The following DTNB variants were observed in gnomAD, a reference collection of about 807,000 sequenced individuals.
The protein encoded by DTNB is dystrobrevin beta.
Under a neutral mutation model 90.7 loss-of-function variants are expected in DTNB, and 63 were observed. The observed-to-expected ratio is 0.69, with a 90% CI of 0.57 to 0.86. The LOEUF is 0.86. DTNB is among the 40% of genes least tolerant of loss of function. DTNB has a pLI of 0.00. For missense variants in DTNB, 744 were observed against 807.1 expected, an observed-to-expected ratio of 0.92 and a Z score of 0.95; for synonymous variants, 277 against 286.7, an observed-to-expected ratio of 0.97 and a Z score of 0.34.
At chr2:25,643,950 C>T (rs962654141) in intron 2 of DTNB, among the ~76,000 whole-genome samples, 30 of 152,280 alleles carry the variant, frequency 2.0e-4, no homozygotes, top group African/African-American at 7.2e-4. Context: ...CTAAAACCCA[C>T]CAAAACCAAG....
At chr2:25,453,275 T>C (rs1283296129) in intron 11 of DTNB, among the ~76,000 whole-genome samples, 1 of 152,238 alleles carries the variant, frequency 6.6e-6, no homozygotes, top group Non-Finnish European at 1.5e-5. Flanking sequence ...CTGCTTTAAT[T>C]GGCTATGTTT....
chr2:25,505,722 A>C lies in DTNB; in HGVS notation c.1002-22849T>G, dbSNP rs1353198052. On this transcript the variant is annotated intron_variant, in intron 9 of 20. Transcript: ENST00000406818. ...CCTCCTACAACTACTGATAAAATTT[A>C]AAAGCACAAAAATTTAGAAATACAG... 2.0e-5 allele frequency among the ~76,000 whole-genome samples: 3 copies of C among 152,150 alleles called. No homozygotes were observed. In the East Asian group the frequency reaches 5.8e-4, roughly 29 times the overall value.
At chr2:25,585,790 A>T (rs377474003) in intron 6 of DTNB, among the ~76,000 whole-genome samples, 175 of 152,320 alleles carry the variant, frequency 1.1e-3, no homozygotes, top group African/African-American at 4.0e-3. Flanking sequence ...ATTTTTATGC[A>T]AACTTCTGAG....
At chr2:25,482,760 G>A (rs749762246) in intron 10 of DTNB, 36 bp downstream of exon 10, 2 of 1,607,042 alleles carry the variant, frequency 1.2e-6, no homozygotes, top group South Asian at 2.2e-5. Context: ...AGTAGCAGAG[G>A]CCAACACCCA....
intron 16 of DTNB, among the ~76,000 whole-genome samples, chr2:25,410,114 T>C (rs923082328): frequency 6.6e-6 from 1 of 152,218 alleles, no homozygotes; most frequent in African/African-American, 2.4e-5. Flanking sequence ...GTCTGTAGTA[T>C]TCTGGGGGAG....
chr2:25,554,361 C>T (rs1006300935), intron 8 of DTNB, among the ~76,000 whole-genome samples: 1 of 151,838 alleles, frequency 6.6e-6, no homozygotes, highest in African/African-American at 2.4e-5. Flanking sequence ...TTTTAACCAG[C>T]AGTTCATAGT....
intron 3 of DTNB, among the ~76,000 whole-genome samples, chr2:25,634,095 T>G (rs1225818969): frequency 6.9e-6 from 1 of 144,628 alleles, no homozygotes; most frequent in East Asian, 2.2e-4. Flanking sequence ...AGCCGCCCCG[T>G]CCGGGAGGGA....
chr2:25,426,448 T>C (rs1014226982), intron 15 of DTNB: 1 of 152,268 alleles, frequency 6.6e-6, no homozygotes, highest in Non-Finnish European at 1.5e-5. Flanking sequence ...CTGATGATCA[T>C]TTGGATTAGT....
chr2:25,627,719 T>C lies in DTNB; in HGVS notation c.362+452A>G, dbSNP rs576671479. ...CTGTGAACCAGTTTCTAGAGGGGCT[T>C]ACACCGAATAATTTTCCTTTTTTTT... On this transcript the variant is annotated intron_variant, in intron 4 of 20. Coordinates refer to ENST00000406818, the MANE Select transcript of DTNB (RefSeq NM_021907.5). 1.1e-4 allele frequency among the ~76,000 whole-genome samples: 16 copies of C among 151,674 alleles called. 1 individual carries two copies. In the East Asian group the frequency reaches 3.1e-3, roughly 29 times the overall value.
At chr2:25,501,067 C>T (rs1054075437) in intron 9 of DTNB, among the ~76,000 whole-genome samples, 8 of 152,102 alleles carry the variant, frequency 5.3e-5, no homozygotes, top group Non-Finnish European at 8.8e-5. Flanking sequence ...CAGCATCCAT[C>T]AAATGTTCTG....
intron 3 of DTNB, among the ~76,000 whole-genome samples, chr2:25,638,275 T>C (rs1305562075): frequency 6.6e-6 from 1 of 152,132 alleles, no homozygotes; most frequent in Non-Finnish European, 1.5e-5. Context: ...AGTTAATGGG[T>C]GCAGCACACC....
At chr2:25,419,277 C>G (rs191230846) in intron 16 of DTNB, 1 of 608,532 alleles carries the variant, frequency 1.6e-6, no homozygotes, top group Non-Finnish European at 2.9e-6. Context: ...CACTTCAATG[C>G]GCACAACAGA....
At chr2:25,458,460 T>C (rs2060400975) in intron 10 of DTNB, among the ~76,000 whole-genome samples, 1 of 151,976 alleles carries the variant, frequency 6.6e-6, no homozygotes, top group Admixed American at 6.6e-5. Flanking sequence ...TTATCTTTGT[T>C]TCCTGGTACG....
intron 12 of DTNB, among the ~76,000 whole-genome samples, chr2:25,440,290 C>T (rs373576960): frequency 7.0e-4 from 107 of 152,168 alleles, no homozygotes; most frequent in African/African-American, 2.5e-3. Flanking sequence ...CAGTGAGATA[C>T]GAGGATGAAA....
chr2:25,467,295 CTTTCTT>C (rs1320232734), intron 10 of DTNB, among the ~76,000 whole-genome samples: 7 of 124,204 alleles, frequency 5.6e-5, no homozygotes, highest in Admixed American at 9.5e-5. Context: ...TGTTTTCTTT[CTTTCTT>C]TTTTTTTTTT....
intron 6 of DTNB, among the ~76,000 whole-genome samples, chr2:25,594,731 T>C (rs920503244): frequency 3.3e-5 from 5 of 152,242 alleles, no homozygotes; most frequent in African/African-American, 1.2e-4. Context: ...AAAATTCCCA[T>C]TTTCCCTTAA....
chr2:25,408,538 CAAAAAA>C (rs11395783), intron 16 of DTNB, among the ~76,000 whole-genome samples: 2 of 32,728 alleles, frequency 6.1e-5, no homozygotes, highest in African/African-American at 1.9e-4. Flanking sequence ...GACTCCATCT[CAAAAAA>C]AAAAAAAAAA....
At chr2:25,427,504 C>T (rs2052217614) in intron 15 of DTNB, 31 bp downstream of exon 15, 10 of 1,608,216 alleles carry the variant, frequency 6.2e-6, no homozygotes, top group African/African-American at 1.3e-5. Flanking sequence ...AGAAGAATGA[C>T]AAGAACTGAG....
chr2:25,567,047 A>G (rs1311208410), intron 8 of DTNB, among the ~76,000 whole-genome samples: 1 of 152,186 alleles, frequency 6.6e-6, no homozygotes, highest in African/African-American at 2.4e-5. Flanking sequence ...TTTCTTTGAG[A>G]AGAGGTGGCC....
Sources: gnomAD v4.1 joint callset for allele counts (sites outside exome capture counted in the v4.1 genomes callset) on GRCh38, gnomAD v4.1.1 for gene constraint, MANE v1.5 for transcripts, NCBI Gene and HGNC (gene_info 2026-07-23, HGNC 2026-07-21) for gene names.